Variants in TTLL13 observed in about 807,000 individuals in gnomAD.
TTLL13 encodes tubulin tyrosine ligase like 13.
the TTLL13 span, chr15:90,262,671 T>G: frequency 1.4e-6 from 2 of 1,477,054 alleles, no homozygotes; most frequent in Non-Finnish European, 1.8e-6. Context: ...GAGAAAGAGG[T>G]GCCAGGGGTT....
chr15:90,260,085 A>C, the TTLL13 span, among the ~76,000 whole-genome samples: 1 of 152,222 alleles, frequency 6.6e-6, no homozygotes, highest in Non-Finnish European at 1.5e-5. Context: ...TTCCCACAAG[A>C]CTGGACTGTG....
the TTLL13 span, chr15:90,261,906 A>C: frequency 9.8e-7 from 1 of 1,015,690 alleles, no homozygotes; most frequent in South Asian, 2.2e-5. Context: ...CAGGAGGTCA[A>C]GAAGCCAGCA....
the TTLL13 span, chr15:90,262,874 G>A: frequency 6.6e-6 from 9 of 1,373,638 alleles, no homozygotes; most frequent in Non-Finnish European, 8.7e-6. Context: ...AAGGGATGAG[G>A]GTAGAGTGGG....
the TTLL13 span, chr15:90,255,656 C>T: frequency 6.4e-7 from 1 of 1,556,970 alleles, no homozygotes; most frequent in Non-Finnish European, 8.8e-7. Context: ...GTGACTTCTC[C>T]CTTAACCTTC....
the TTLL13 span, chr15:90,262,640 G>A: frequency 2.0e-6 from 3 of 1,504,868 alleles, no homozygotes. Context: ...CACCCACTTG[G>A]CTTACAGGAA....
chr15:90,253,190 A>G, the TTLL13 span: 2 of 1,437,746 alleles, frequency 1.4e-6, no homozygotes, highest in Non-Finnish European at 2.0e-6. Flanking sequence ...CCAGCTACAC[A>G]GTTCCAGGGC....
chr15:90,264,519 A>G, the TTLL13 span, among the ~76,000 whole-genome samples: 1 of 152,206 alleles, frequency 6.6e-6, no homozygotes, highest in Non-Finnish European at 1.5e-5. Context: ...AATGGCAGAA[A>G]TACAGTCCCA....
the TTLL13 span, chr15:90,255,922 G>A: frequency 1.1e-5 from 17 of 1,613,338 alleles, no homozygotes; most frequent in Non-Finnish European, 1.4e-5. Flanking sequence ...AGATACCAGG[G>A]GGAGGAAAAG....
the TTLL13 span, chr15:90,258,815 G>T: frequency 6.2e-7 from 1 of 1,614,218 alleles, no homozygotes; most frequent in Non-Finnish European, 8.5e-7. Flanking sequence ...TCTCTGTGAT[G>T]CTATGACCCT....
At chr15:90,254,589 TC>T in the TTLL13 span, among the ~76,000 whole-genome samples, 1 of 148,768 alleles carries the variant, frequency 6.7e-6, no homozygotes, top group South Asian at 2.2e-4. Flanking sequence ...GTGCCTGAAA[TC>T]CCTTTGGGAA....
At chr15:90,258,122 C>T in the TTLL13 span, 2 of 1,614,252 alleles carry the variant, frequency 1.2e-6, no homozygotes, top group Non-Finnish European at 1.7e-6. Context: ...ACATCATCAT[C>T]AAAACCATCA....
the TTLL13 span, chr15:90,258,879 G>A: frequency 1.1e-5 from 18 of 1,614,064 alleles, no homozygotes; most frequent in Admixed American, 1.7e-5. Flanking sequence ...GATAAGCGGC[G>A]AGTCAAGGAA....
the TTLL13 span, chr15:90,257,099 A>G: frequency 6.3e-7 from 1 of 1,594,586 alleles, no homozygotes; most frequent in South Asian, 1.2e-5. Flanking sequence ...AGGCACTTCA[A>G]AAGTGTTATT....
the TTLL13 span, among the ~76,000 whole-genome samples, chr15:90,251,880 T>G: frequency 6.6e-6 from 1 of 151,162 alleles, no homozygotes; most frequent in South Asian, 2.1e-4. Context: ...CCAGATTTTA[T>G]TTATTTATTT....
At chr15:90,256,573 CTTT>C in the TTLL13 span, among the ~76,000 whole-genome samples, 13,700 of 56,278 alleles carry the variant, frequency 0.24, 934 homozygotes, top group East Asian at 0.38. Context: ...TTCTTTCTTT[CTTT>C]CTTTCTTTCT....
chr15:90,263,629 G>C, the TTLL13 span: 4 of 597,996 alleles, frequency 6.7e-6, no homozygotes, highest in Non-Finnish European at 1.2e-5. Context: ...AGGAGTATCT[G>C]GTTAAATAGT....
At chr15:90,265,217 A>G in the TTLL13 span, 3 of 1,349,158 alleles carry the variant, frequency 2.2e-6, no homozygotes, top group Non-Finnish European at 1.9e-6. Flanking sequence ...CTGCTCATCA[A>G]GCCTTAGCCT....
chr15:90,252,778 G>A, the TTLL13 span, among the ~76,000 whole-genome samples: 2 of 152,114 alleles, frequency 1.3e-5, no homozygotes, highest in African/African-American at 4.8e-5. Context: ...CAAGGCAGGC[G>A]AATCTCCTGA....
the TTLL13 span, among the ~76,000 whole-genome samples, chr15:90,259,389 C>CAA: frequency 3.1e-5 from 4 of 130,864 alleles, no homozygotes; most frequent in African/African-American, 1.1e-4. Context: ...GACCCTGTTT[C>CAA]AAAAAAAAAA....
Sources: allele counts gnomAD v4.1 joint callset (sites outside exome capture counted in the v4.1 genomes callset), GRCh38; gene constraint gnomAD v4.1.1; transcripts MANE v1.5; gene names NCBI Gene and HGNC (gene_info 2026-07-23, HGNC 2026-07-21).